The following PLCZ1 variants were observed in gnomAD, a reference collection of about 807,000 sequenced individuals.
PLCZ1 encodes the protein 1-phosphatidylinositol 4,5-bisphosphate phosphodiesterase zeta-1.
Under a neutral mutation model 76.8 loss-of-function variants are expected in PLCZ1, and 64 were observed. The observed-to-expected ratio is 0.83, with a 90% CI of 0.68 to 1.03. The LOEUF (loss-of-function observed/expected upper bound fraction) is 1.03. Ranked by LOEUF, PLCZ1 falls within the 50% of genes least tolerant of loss-of-function variation. The pLI, the probability that PLCZ1 is intolerant of heterozygous loss-of-function variation, is 0.00. For missense variants in PLCZ1, 751 were observed against 713.7 expected, an observed-to-expected ratio of 1.05 and a Z score of -0.60; for synonymous variants, 248 against 230.8, an observed-to-expected ratio of 1.07 and a Z score of -0.68.
intron 12 of PLCZ1, among the ~76,000 whole-genome samples, chr12:18,688,616 T>A (rs1346814572): frequency 1.3e-5 from 2 of 151,872 alleles, no homozygotes; most frequent in Non-Finnish European, 2.9e-5. Flanking sequence ...TTTTAAAAAA[T>A]GTACCATTTA....
chr12:18,704,297 G>A (rs1261587865), intron 7 of PLCZ1, among the ~76,000 whole-genome samples: 1 of 152,110 alleles, frequency 6.6e-6, no homozygotes, highest in African/African-American at 2.4e-5. Context: ...ACAAGAAAAT[G>A]AAAATTTGGG....
At chr12:18,665,742 C>A in the PLCZ1 span, among the ~76,000 whole-genome samples, 47 of 152,084 alleles carry the variant, frequency 3.1e-4, no homozygotes, top group Non-Finnish European at 6.2e-4. Flanking sequence ...CGAGACCATC[C>A]TGGACCACAT....
the PLCZ1 span, among the ~76,000 whole-genome samples, chr12:18,667,520 G>A: frequency 7.2e-5 from 11 of 152,030 alleles, no homozygotes; most frequent in Non-Finnish European, 1.3e-4. Flanking sequence ...CTAGAGTTTG[G>A]CTTGTTTTTA....
intron 6 of PLCZ1, among the ~76,000 whole-genome samples, chr12:18,709,173 T>C (rs1956995216): frequency 6.6e-6 from 1 of 152,154 alleles, no homozygotes; most frequent in Non-Finnish European, 1.5e-5. Flanking sequence ...TTTTTATCCA[T>C]TTTAACATGA....
intron 14 of PLCZ1, chr12:18,683,562 C>CT: frequency 6.7e-7 from 1 of 1,481,510 alleles, no homozygotes; most frequent in Non-Finnish European, 9.0e-7. Flanking sequence ...CCGCAAAGCG[C>CT]TGCATGATCC....
At chr12:18,705,698 T>G (rs1012220746) in intron 6 of PLCZ1, among the ~76,000 whole-genome samples, 3 of 150,364 alleles carry the variant, frequency 2.0e-5, no homozygotes, top group Admixed American at 1.3e-4. Context: ...AAACCCCATC[T>G]CTACTAAAAT....
At chr12:18,725,800 T>C (rs1233655284) in intron 3 of PLCZ1, among the ~76,000 whole-genome samples, 5 of 152,106 alleles carry the variant, frequency 3.3e-5, no homozygotes, top group Admixed American at 3.3e-4. Context: ...TGTTTTTCTT[T>C]CCGGAATATC....
At chr12:18,677,449 C>T in the PLCZ1 span, among the ~76,000 whole-genome samples, 1 of 152,054 alleles carries the variant, frequency 6.6e-6, no homozygotes, top group East Asian at 1.9e-4. Flanking sequence ...ACATAGAGGG[C>T]TGGTTAGAAG....
At chr12:18,674,161 A>G in the PLCZ1 span, among the ~76,000 whole-genome samples, 3 of 152,216 alleles carry the variant, frequency 2.0e-5, no homozygotes, top group Non-Finnish European at 4.4e-5. Flanking sequence ...ATGTATTCAA[A>G]TACTTTTGGA....
intron 3 of PLCZ1, among the ~76,000 whole-genome samples, chr12:18,733,203 G>C (rs998409976): frequency 1.3e-5 from 2 of 152,176 alleles, no homozygotes; most frequent in Non-Finnish European, 2.9e-5. Context: ...CTGATGATTA[G>C]TGATGTTGAG....
chr12:18,726,285 C>A (rs896847563), intron 3 of PLCZ1, among the ~76,000 whole-genome samples: 14 of 152,150 alleles, frequency 9.2e-5, no homozygotes, highest in Non-Finnish European at 1.6e-4. Context: ...AATCATTAAA[C>A]ATACAACATA....
chr12:18,675,378 C>A, the PLCZ1 span, among the ~76,000 whole-genome samples: 1 of 152,108 alleles, frequency 6.6e-6, no homozygotes, highest in Admixed American at 6.5e-5. Context: ...AACAGATCTT[C>A]ACATGGATGC....
In PLCZ1 at chr12:18,688,196, G is replaced by C. The variant is rs761033704; in HGVS notation, c.1484C>G (p.Pro495Arg). 6.2e-7 allele frequency: 1 copy of C among 1,610,010 alleles called. No individual in the cohort carries two copies. The highest frequency in any genetic ancestry group is 8.5e-7 in the Non-Finnish European group (1 of 1,178,280). The change falls in exon 13 of 15, where the codon CCT becomes CGT. Residue 495 changes from proline to arginine, a missense_variant. Physicochemically the swap from Pro to Arg is moderately radical, Grantham distance 103. Coordinates refer to ENST00000266505, the MANE Select transcript of PLCZ1 (RefSeq NM_033123.4). ...TTTGTTAGATGATGAATGAGTAAGA[G>C]GCAACTGGATACCACTGATGAGCTG... The part of the protein sequence containing the change: ...TIRLISGIQL[P>R]LTHSSSNKGD...
chr12:18,696,705 C>G (rs1040536484), intron 10 of PLCZ1, among the ~76,000 whole-genome samples: 1 of 151,990 alleles, frequency 6.6e-6, no homozygotes, highest in Admixed American at 6.6e-5. Context: ...TCACACAAAG[C>G]TATACGATTC....
At chr12:18,701,605 TATCCTCCTC>T (rs748476303) in intron 8 of PLCZ1, 37 bp from the exon 9 acceptor site, 9 of 1,571,036 alleles carry the variant, frequency 5.7e-6, no homozygotes, top group East Asian at 2.3e-5. Context: ...TCTTTGAATT[TATCCTCCTC>T]CTCCTCCTCC....
At chr12:18,656,625 A>G in the PLCZ1 span, among the ~76,000 whole-genome samples, 1 of 152,072 alleles carries the variant, frequency 6.6e-6, no homozygotes, top group South Asian at 2.1e-4. Flanking sequence ...TGTCCCAGCT[A>G]CTTGGGAAGC....
chr12:18,734,123 T>A (rs1196136823), intron 3 of PLCZ1, among the ~76,000 whole-genome samples: 1 of 152,208 alleles, frequency 6.6e-6, no homozygotes, highest in East Asian at 1.9e-4. Context: ...TTTTAAAGTT[T>A]ATTTCATCAG....
intron 12 of PLCZ1, among the ~76,000 whole-genome samples, chr12:18,691,517 G>A (rs1277664869): frequency 6.6e-6 from 1 of 152,026 alleles, no homozygotes; most frequent in Non-Finnish European, 1.5e-5. Flanking sequence ...ATATCTTAAG[G>A]GAAGGCAGAG....
rs138007993 is a variant in PLCZ1, at chr12:18,699,945, C to T, written c.1023G>A (p.Arg341=). 1.8e-4 allele frequency: 297 copies of T among 1,608,720 alleles called. 1 individual carries two copies. In the African/African-American group the frequency reaches 3.6e-3, roughly 20 times the overall value. The stretch of plus-strand genomic sequence containing the variant: ...ATAAGGCCAGAGCAATTTTTAGCTT[C>T]CTGGTCTAAAAATAAAATGCAGTAA... The part of the protein sequence containing the change: ...GVMLFKKKKT[R]KLKIALALSD... Residue 341 remains arginine (R), a synonymous_variant, in exon 10 of 15, where the codon AGG becomes AGA. Coordinates refer to ENST00000266505, the MANE Select transcript of PLCZ1 (RefSeq NM_033123.4).
Sources: gnomAD v4.1 joint callset for allele counts (sites outside exome capture counted in the v4.1 genomes callset) on GRCh38, gnomAD v4.1.1 for gene constraint, MANE v1.5 for transcripts, NCBI Gene and HGNC (gene_info 2026-07-23, HGNC 2026-07-21) for gene names.